ZFHX3: variants seen among roughly 807,000 people sequenced by gnomAD.
The protein encoded by ZFHX3 is zinc finger homeobox protein 3.
ZFHX3 carries 42 observed loss-of-function variants against 279.1 expected under a neutral mutation model. The ratio of observed to expected loss-of-function variants is 0.15; its 90% CI spans 0.12 to 0.19. ZFHX3 has a LOEUF of 0.19. ZFHX3 is among the 10% of genes least tolerant of loss of function. The probability of loss-of-function intolerance (pLI) is 1.00; values close to 1 mark genes in which losing one functional copy is unlikely to be tolerated. For synonymous variants in ZFHX3, 2,293 were observed against 1,957.8 expected (o/e 1.17, Z -4.52); for missense variants, 4,981 against 4,754.0 (o/e 1.05, Z -1.40).
rs770836978 is a variant in ZFHX3, at chr16:72,863,269, G to A, written c.3448+26462C>T. ...TGTAATCCCAGTGCTTTGGGAGGTC[G>A]GAGTGGGAGGATTGCTTGAGCTCAG... On this transcript the variant is annotated intron_variant, in intron 4 of 9. Transcript: ENST00000268489. 8.0e-5 allele frequency among the ~76,000 whole-genome samples: 12 copies of A among 149,684 alleles called. No homozygotes were observed. The East Asian group carries it at 2.2e-3, about 27-fold the overall frequency.
intron 3 of ZFHX3, among the ~76,000 whole-genome samples, chr16:72,920,506 C>T (rs1226417426): frequency 6.6e-6 from 1 of 151,652 alleles, no homozygotes; most frequent in East Asian, 2.0e-4. Context: ...ATGGCGAAAC[C>T]CCGTCTCTAC....
chr16:73,383,913 G>A (rs545732845), intron 3 of ZFHX3, among the ~76,000 whole-genome samples: 2 of 152,214 alleles, frequency 1.3e-5, no homozygotes, highest in Non-Finnish European at 2.9e-5. Context: ...CTTCCAAAGA[G>A]TATCTGCCAT....
At chr16:73,851,504 C>T (rs191947369) in intron 1 of ZFHX3, among the ~76,000 whole-genome samples, 1 of 152,304 alleles carries the variant, frequency 6.6e-6, no homozygotes, top group East Asian at 1.9e-4. Flanking sequence ...TCTGTTTTCT[C>T]ATTTGCTAAA....
chr16:73,189,431 T>A (rs569972094), intron 5 of ZFHX3, among the ~76,000 whole-genome samples: 1 of 152,216 alleles, frequency 6.6e-6, no homozygotes, highest in Non-Finnish European at 1.5e-5. Context: ...CAATAACAAA[T>A]GTACTACAGG....
intron 1 of ZFHX3, among the ~76,000 whole-genome samples, chr16:72,971,736 G>C (rs910962162): frequency 8.6e-5 from 13 of 151,902 alleles, no homozygotes; most frequent in African/African-American, 3.1e-4. Context: ...TCAACAGTGG[G>C]TATTTACTTT....
intron 2 of ZFHX3, among the ~76,000 whole-genome samples, chr16:73,570,714 C>T (rs1188831315): frequency 2.0e-5 from 3 of 152,074 alleles, no homozygotes; most frequent in Non-Finnish European, 2.9e-5. Context: ...AGCTAAACAT[C>T]ATTGGTATGT....
rs28441307 is a variant in ZFHX3 at position 73,210,256 on chromosome 16, G to A, written c.-1104+46791C>T. 5.3e-5 allele frequency among the ~76,000 whole-genome samples: 8 copies of A among 152,118 alleles called. 1 individual carries two copies. The highest frequency in any genetic ancestry group is 4.2e-4 in the South Asian group (2 of 4,816). ...TTAAATGGTAAATAACTGCTGGATC[G>A]GGTTAGCTGTGCTCTAACACTGAGT... On this transcript the variant is annotated intron_variant, in intron 5 of 17. Coordinates refer to the ZFHX3 transcript ENST00000641206.
chr16:72,941,745 T>C (rs1352418190), intron 3 of ZFHX3, among the ~76,000 whole-genome samples: 1 of 152,166 alleles, frequency 6.6e-6, no homozygotes, highest in African/African-American at 2.4e-5. Flanking sequence ...CTTTGCTGTA[T>C]TTGCCAACAC....
chr16:73,334,567 G>T (rs987077099), intron 3 of ZFHX3, among the ~76,000 whole-genome samples: 10 of 152,056 alleles, frequency 6.6e-5, no homozygotes, highest in African/African-American at 2.2e-4. Flanking sequence ...TGGCAGAGGG[G>T]CCATTGTTCT....
intron 2 of ZFHX3, among the ~76,000 whole-genome samples, chr16:73,503,754 T>C (rs1371806379): frequency 6.6e-6 from 1 of 152,196 alleles, no homozygotes; most frequent in Non-Finnish European, 1.5e-5. Context: ...GTTGGTTAAA[T>C]GTAACCACCG....
intron 5 of ZFHX3, among the ~76,000 whole-genome samples, chr16:73,255,045 T>C (rs2013625846): frequency 6.6e-6 from 1 of 152,332 alleles, no homozygotes; most frequent in African/African-American, 2.4e-5. Context: ...TAGCAGCAGC[T>C]ATTGTACTTC....
At chr16:72,928,190 G>A (rs563671629) in intron 3 of ZFHX3, among the ~76,000 whole-genome samples, 1 of 56,910 alleles carries the variant, frequency 1.8e-5, no homozygotes, top group Non-Finnish European at 3.6e-5. Flanking sequence ...AGAGAGGGAG[G>A]GGGAGGGGAG....
chr16:73,055,742 G>A (rs964865335), intron 1 of ZFHX3, among the ~76,000 whole-genome samples: 3 of 113,714 alleles, frequency 2.6e-5, no homozygotes, highest in Non-Finnish European at 5.5e-5. Flanking sequence ...ACACACGTCA[G>A]GACTGCCAGG....
chr16:73,534,634 G>C (rs2019862250), intron 2 of ZFHX3, among the ~76,000 whole-genome samples: 1 of 152,184 alleles, frequency 6.6e-6, no homozygotes. Context: ...CATTTGGTTT[G>C]AATGATAGGT....
intron 3 of ZFHX3, among the ~76,000 whole-genome samples, chr16:73,385,146 G>A (rs2143379374): frequency 6.6e-6 from 1 of 152,238 alleles, no homozygotes. Flanking sequence ...TGGTGACTTT[G>A]TTTAGGCTCC....
chr16:73,258,040 T>C (rs1201542626), intron 4 of ZFHX3, among the ~76,000 whole-genome samples: 1 of 152,180 alleles, frequency 6.6e-6, no homozygotes, highest in Non-Finnish European at 1.5e-5. Flanking sequence ...CAAACAGGTC[T>C]CCAGATTTTG....
intron 3 of ZFHX3, among the ~76,000 whole-genome samples, chr16:73,431,615 C>T (rs911399086): frequency 7.9e-5 from 12 of 152,108 alleles, no homozygotes; most frequent in African/African-American, 2.9e-4. Context: ...AATTTAATTA[C>T]TGATTGTTAG....
intron 2 of ZFHX3, among the ~76,000 whole-genome samples, chr16:73,491,809 G>T (rs910222791): frequency 6.6e-6 from 1 of 152,104 alleles, no homozygotes; most frequent in African/African-American, 2.4e-5. Context: ...GTAGGTAAAG[G>T]CCACGGATGC....
intron 3 of ZFHX3, among the ~76,000 whole-genome samples, chr16:73,405,249 T>C (rs1479687637): frequency 2.0e-5 from 3 of 152,212 alleles, no homozygotes; most frequent in Non-Finnish European, 2.9e-5. Flanking sequence ...TTTCCTGAAT[T>C]TTTTAAATTT....
Sources: gnomAD v4.1 joint callset for allele counts (sites outside exome capture counted in the v4.1 genomes callset) on GRCh38, gnomAD v4.1.1 for gene constraint, MANE v1.5 for transcripts, NCBI Gene and HGNC (gene_info 2026-07-23, HGNC 2026-07-21) for gene names.